Variants in ZFPM2 observed in about 807,000 individuals in gnomAD.
ZFPM2 encodes the protein zinc finger protein, FOG family member 2, also known as zinc finger protein ZFPM2.
A neutral mutation model predicts 98.6 loss-of-function variants in ZFPM2; 20 were observed. The ratio of observed to expected loss-of-function variants is 0.20; its 90% CI spans 0.14 to 0.29. The LOEUF (loss-of-function observed/expected upper bound fraction) is 0.29, where lower values mean the gene tolerates loss of function less well. ZFPM2 is among the 10% of genes least tolerant of loss of function. The probability of loss-of-function intolerance (pLI) is 1.00; values close to 1 mark genes in which losing one functional copy is unlikely to be tolerated. For missense variants in ZFPM2, 1,310 were observed against 1,388.6 expected, an observed-to-expected ratio of 0.94 and a Z score of 0.90; for synonymous variants, 518 against 502.7, an observed-to-expected ratio of 1.03 and a Z score of -0.41.
chr8:105,632,876 A>G (rs1468406863), intron 4 of ZFPM2, among the ~76,000 whole-genome samples: 1 of 152,140 alleles, frequency 6.6e-6, no homozygotes, highest in East Asian at 1.9e-4. Flanking sequence ...TATAGTTTAT[A>G]CTCTGTTTTA....
chr8:105,766,910 T>C (rs1812865629), intron 5 of ZFPM2, among the ~76,000 whole-genome samples: 1 of 151,896 alleles, frequency 6.6e-6, no homozygotes, highest in Non-Finnish European at 1.5e-5. Context: ...GTCAATGATA[T>C]TGGATTTTCC....
chr8:105,791,365 T>C (rs1298681882), intron 6 of ZFPM2, among the ~76,000 whole-genome samples: 1 of 152,240 alleles, frequency 6.6e-6, no homozygotes, highest in Non-Finnish European at 1.5e-5. Context: ...TTTTTGTCTT[T>C]GGTTCTGTTT....
intron 1 of ZFPM2, among the ~76,000 whole-genome samples, chr8:105,327,471 A>G (rs1306650507): frequency 6.6e-6 from 1 of 151,724 alleles, no homozygotes; most frequent in Non-Finnish European, 1.5e-5. Flanking sequence ...TCCTGAAATT[A>G]TTGGGAGCCT....
intron 3 of ZFPM2, among the ~76,000 whole-genome samples, chr8:105,485,997 C>G (rs1813223778): frequency 6.6e-6 from 1 of 152,202 alleles, no homozygotes; most frequent in South Asian, 2.1e-4. Flanking sequence ...ACACGGAGAT[C>G]TATCACCTGA....
At chr8:105,674,619 G>A (rs997034019) in intron 5 of ZFPM2, among the ~76,000 whole-genome samples, 1 of 152,048 alleles carries the variant, frequency 6.6e-6, no homozygotes, top group Non-Finnish European at 1.5e-5. Context: ...AATGATGAAG[G>A]GGAAACCACC....
intron 4 of ZFPM2, among the ~76,000 whole-genome samples, chr8:105,629,509 C>G (rs1816718629): frequency 6.6e-6 from 1 of 152,178 alleles, no homozygotes; most frequent in Admixed American, 6.5e-5. Flanking sequence ...CTGAAACACA[C>G]TACCATAGAC....
chr8:105,593,013 T>C (rs1217517463), intron 4 of ZFPM2, among the ~76,000 whole-genome samples: 1 of 152,174 alleles, frequency 6.6e-6, no homozygotes, highest in Non-Finnish European at 1.5e-5. Context: ...TGATAGCAGC[T>C]GCTAGCTAGA....
chr8:105,403,577 G>A (rs1811381561), intron 1 of ZFPM2, among the ~76,000 whole-genome samples: 1 of 151,504 alleles, frequency 6.6e-6, no homozygotes, highest in Non-Finnish European at 1.5e-5. Flanking sequence ...AGAAAGTTGA[G>A]TCTTTTTTTT....
At chr8:105,622,933 T>C (rs1196345938) in intron 4 of ZFPM2, among the ~76,000 whole-genome samples, 1 of 152,212 alleles carries the variant, frequency 6.6e-6, no homozygotes, top group Non-Finnish European at 1.5e-5. Flanking sequence ...ACATGTTCTT[T>C]TCATAATGTG....
At chr8:105,342,820 T>C (rs1219877008) in intron 1 of ZFPM2, among the ~76,000 whole-genome samples, 1 of 152,078 alleles carries the variant, frequency 6.6e-6, no homozygotes, top group African/African-American at 2.4e-5. Context: ...TTTTTCTGGA[T>C]ATGAAAATAG....
At chr8:105,493,659 C>T (rs547215505) in intron 3 of ZFPM2, among the ~76,000 whole-genome samples, 23 of 152,238 alleles carry the variant, frequency 1.5e-4, no homozygotes, top group Non-Finnish European at 3.1e-4. Context: ...TGTGGTATTC[C>T]AAACCATTAC....
Position 105,362,161 on chromosome 8 carries a change from A to G in ZFPM2, c.40+43180A>G, listed in dbSNP as rs181831444. ...TGTCTCTATCAATTTAGTCTAGCTTAGATCTGAGACTCAATTATAACTTTC... is the reference window on the plus strand; with the variant it reads ...TGTCTCTATCAATTTAGTCTAGCTTGGATCTGAGACTCAATTATAACTTTC... On this transcript the variant is annotated intron_variant, in intron 1 of 7. Coordinates refer to ENST00000407775, the MANE Select transcript of ZFPM2 (RefSeq NM_012082.4). Among the ~76,000 whole-genome samples, 154 of 152,244 alleles carry G rather than the reference A, an allele frequency of 1.0e-3. 1 individual carries two copies. The highest frequency in any genetic ancestry group is 3.6e-3 in the African/African-American group (150 of 41,498).
At chr8:105,638,313 G>A (rs1053670534) in intron 5 of ZFPM2, among the ~76,000 whole-genome samples, 1 of 152,078 alleles carries the variant, frequency 6.6e-6, no homozygotes, top group African/African-American at 2.4e-5. Flanking sequence ...ATGAGCCACT[G>A]AAATGGAGGA....
At chr8:105,506,408 G>C (rs1247317828) in intron 3 of ZFPM2, among the ~76,000 whole-genome samples, 7 of 152,216 alleles carry the variant, frequency 4.6e-5, no homozygotes, top group African/African-American at 1.7e-4. Flanking sequence ...TTATCAGGTA[G>C]AATCTTCTAA....
intron 5 of ZFPM2, among the ~76,000 whole-genome samples, chr8:105,729,454 A>G (rs968898451): frequency 1.1e-4 from 16 of 151,618 alleles, no homozygotes; most frequent in African/African-American, 3.4e-4. Flanking sequence ...GCCTGGCACA[A>G]TGCACCTGCC....
chr8:105,517,681 CCA>C, intron 3 of ZFPM2, among the ~76,000 whole-genome samples: 1 of 78,902 alleles, frequency 1.3e-5, no homozygotes, highest in Non-Finnish European at 2.5e-5. Context: ...GAGACCCTAT[CCA>C]CACACACACC....
chr8:105,488,276 T>G (rs1033061901), intron 3 of ZFPM2, among the ~76,000 whole-genome samples: 1 of 152,224 alleles, frequency 6.6e-6, no homozygotes, highest in Non-Finnish European at 1.5e-5. Flanking sequence ...CCGTGATGTA[T>G]TGACAGCTCC....
intron 1 of ZFPM2, among the ~76,000 whole-genome samples, chr8:105,394,898 G>C (rs1811190632): frequency 6.6e-6 from 1 of 152,210 alleles, no homozygotes; most frequent in African/African-American, 2.4e-5. Context: ...AGGGATGCCT[G>C]TTTGTGCCAG....
intron 4 of ZFPM2, among the ~76,000 whole-genome samples, chr8:105,630,389 G>A (rs1338220512): frequency 1.3e-5 from 2 of 152,104 alleles, no homozygotes; most frequent in Non-Finnish European, 1.5e-5. Flanking sequence ...CTCTACAAAA[G>A]TTGACTTCTT....
Sources: gnomAD v4.1 joint callset for allele counts (sites outside exome capture counted in the v4.1 genomes callset) on GRCh38, gnomAD v4.1.1 for gene constraint, MANE v1.5 for transcripts, NCBI Gene and HGNC (gene_info 2026-07-23, HGNC 2026-07-21) for gene names.